CR1: variants seen among roughly 807,000 people sequenced by gnomAD.
CR1 encodes complement C3b/C4b receptor 1 (Knops blood group), also known as complement receptor type 1.
A neutral mutation model predicts 187.3 loss-of-function variants in CR1; 116 were observed. The observed-to-expected ratio is 0.62, with a 90% CI of 0.53 to 0.72. The LOEUF is 0.72. Among genes scored for constraint, CR1 ranks in the 30% least tolerant of loss-of-function variants. The probability of loss-of-function intolerance (pLI) is 0.00; values close to 1 mark genes in which losing one functional copy is unlikely to be tolerated. For synonymous variants in CR1, 576 were observed against 747.1 expected (o/e 0.77, Z 3.73); for missense variants, 1,731 against 2,110.7 (o/e 0.82, Z 3.52).
chr1:207,511,639 A>G lies in CR1; in HGVS notation c.472A>G (p.Thr158Ala), dbSNP rs1489712968. The G allele has an allele frequency of 3.1e-6, 5 of 1,613,058 alleles. No individual in the cohort carries two copies. The highest frequency in any genetic ancestry group is 3.4e-6 in the Non-Finnish European group (4 of 1,179,222). Residue 158 changes from threonine (T) to alanine (A), a missense_variant, in exon 4 of 47, where the codon ACA (threonine) becomes GCA (alanine). Thr to Ala is a moderately conservative substitution (Grantham distance 58). This residue lies in a region of CR1 where 237 missense variants were observed against 240.4 expected (regional missense o/e 0.99). Transcript: ENST00000367049. ...SGDTVIWDNE[T>A]PICDRIPCGL... ...TGATACTGTCATTTGGGATAATGAAACACCTATTTGTGACAGTGAGTTGAA... is the reference window on the plus strand; with the variant it reads ...TGATACTGTCATTTGGGATAATGAAGCACCTATTTGTGACAGTGAGTTGAA...
At position 207,620,061 on chromosome 1, in the gene CR1, C is replaced by T; in HGVS notation, c.7248C>T (p.Thr2416=). 6.2e-7 allele frequency: 1 copy of T among 1,608,190 alleles called. No homozygotes were observed. Among genetic ancestry groups the T allele is most frequent in the Non-Finnish European group, 8.5e-7 (1 of 1,178,452 alleles). The change falls in exon 43 of 47, where the codon ACC becomes ACT. Residue 2416 remains threonine, a synonymous_variant. Transcript: ENST00000367049. ...DRWDPPLAKC[T]SRTHDALIVG... is the part of the protein sequence containing the mutation. ...GGGACCCTCCTCTGGCCAAATGTAC[C>T]TCTCGTAAGTGCAAGTGCAAGGAAT...
At chr1:207,596,478 G>C (rs1661444555) in intron 35 of CR1, among the ~76,000 whole-genome samples, 1 of 151,982 alleles carries the variant, frequency 6.6e-6, no homozygotes, top group Non-Finnish European at 1.5e-5. Context: ...GCCAGGTGTG[G>C]TGGCGCATGC....
intron 46 of CR1, among the ~76,000 whole-genome samples, chr1:207,632,725 G>C (rs1484984368): frequency 1.3e-5 from 2 of 151,256 alleles, no homozygotes; most frequent in African/African-American, 4.9e-5. Flanking sequence ...GTGAGCCCGG[G>C]AGGCGGAGCT....
intron 36 of CR1, among the ~76,000 whole-genome samples, chr1:207,608,581 C>T (rs1327980527): frequency 6.6e-6 from 1 of 152,104 alleles, no homozygotes; most frequent in African/African-American, 2.4e-5. Flanking sequence ...AGGTGCCTCC[C>T]ATATCTGCCA....
intron 5 of CR1, 35 bp downstream of exon 5, chr1:207,524,044 G>T: frequency 5.6e-6 from 9 of 1,611,758 alleles, no homozygotes; most frequent in Non-Finnish European, 7.6e-6. Flanking sequence ...GGCCCTGCCA[G>T]TGACATGCGT....
At chr1:207,500,973 G>A (rs979643768) in intron 1 of CR1, among the ~76,000 whole-genome samples, 20 of 151,922 alleles carry the variant, frequency 1.3e-4, no homozygotes, top group African/African-American at 4.8e-4. Context: ...CAACCTAGAT[G>A]GATCTCTAAT....
intron 44 of CR1, 101 bp from the exon 45 acceptor site, chr1:207,622,892 A>AG (rs1662354665): frequency 3.8e-6 from 3 of 787,390 alleles, no homozygotes; most frequent in Non-Finnish European, 6.1e-6. Context: ...TTAAAAAAAA[A>AG]AAAGCATTGG....
chr1:207,610,533 T>C (rs1661893808), intron 37 of CR1, among the ~76,000 whole-genome samples: 1 of 152,128 alleles, frequency 6.6e-6, no homozygotes, highest in Non-Finnish European at 1.5e-5. Flanking sequence ...AGTCTTGCTA[T>C]GTTGCCCAGG....
intron 30 of CR1, 42 bp downstream of exon 30, chr1:207,580,458 A>G (rs1660898977): frequency 1.2e-6 from 2 of 1,602,128 alleles, no homozygotes; most frequent in East Asian, 4.5e-5. Flanking sequence ...TCTTTACCCC[A>G]CACATGGAGG....
In CR1 at chr1:207,575,693, C is replaced by A. The variant is rs1269521464; in HGVS notation, c.4537+13C>A. The stretch of plus-strand genomic sequence containing the variant: ...CCAATTTGTCAACGTGAGTTGAAAT[C>A]TCTTTCCCCATTCACCCCACCATTG... On this transcript the variant is annotated intron_variant, in intron 28 of 46. Coordinates refer to ENST00000367049, the MANE Select transcript of CR1 (RefSeq NM_000651.6). 1 of 1,611,844 alleles carries A rather than the reference C, an allele frequency of 6.2e-7. No individual in the cohort carries two copies. Among genetic ancestry groups the A allele is most frequent in the Admixed American group, 1.7e-5 (1 of 60,026 alleles).
At chr1:207,637,770 T>C (rs995650522) in intron 46 of CR1, among the ~76,000 whole-genome samples, 2 of 152,226 alleles carry the variant, frequency 1.3e-5, no homozygotes, top group Admixed American at 6.5e-5. Flanking sequence ...TATCCATCCA[T>C]GTGACTGGTG....
intron 36 of CR1, among the ~76,000 whole-genome samples, chr1:207,607,853 C>T (rs929706175): frequency 6.6e-6 from 1 of 152,078 alleles, no homozygotes; most frequent in African/African-American, 2.4e-5. Context: ...CCATTTTTCC[C>T]ATAAGATATT....
intron 4 of CR1, among the ~76,000 whole-genome samples, chr1:207,516,935 T>C (rs1468006078): frequency 6.6e-6 from 1 of 152,134 alleles, no homozygotes; most frequent in Non-Finnish European, 1.5e-5. Flanking sequence ...TTTGTTTATT[T>C]CTCTTGCTTT....
At position 207,575,514 on chromosome 1, in the gene CR1, T is replaced by C. The variant is rs552596625; in HGVS notation, c.4452-81T>C. ...TTAGACTTCTCCTGCATTGTAATCCTTCTGGTTTGCCACATATGCATGCTG... is the reference window on the plus strand; with the variant it reads ...TTAGACTTCTCCTGCATTGTAATCCCTCTGGTTTGCCACATATGCATGCTG... On this transcript the variant is annotated intron_variant, in intron 27 of 46. Coordinates refer to ENST00000367049, the MANE Select transcript of CR1 (RefSeq NM_000651.6). The C allele has an allele frequency of 5.2e-5, 82 of 1,572,510 alleles. 2 individuals carry two copies. The highest frequency in any genetic ancestry group is 3.9e-4 in the African/African-American group (29 of 74,190).
rs150127566 is a variant in CR1, at chr1:207,636,109, A to T, written c.7458-3288A>T. On this transcript the variant is annotated intron_variant, in intron 46 of 46. Transcript: ENST00000367049. ...TTTCGACAAAACCGCCATCATCATC[A>T]TGGCTGTTTCTCGATGGTTGCTGTC... is the stretch of plus-strand genomic sequence containing the variant. Among the ~76,000 whole-genome samples, 14 of 151,776 alleles carry T rather than the reference A, an allele frequency of 9.2e-5. No individual in the cohort carries two copies. In the South Asian group the frequency reaches 2.7e-3, roughly 30 times the overall value.
At chr1:207,505,128 A>G (rs1659388129) in intron 1 of CR1, among the ~76,000 whole-genome samples, 2 of 152,164 alleles carry the variant, frequency 1.3e-5, no homozygotes, top group Admixed American at 1.3e-4. Context: ...AAAAGGGACT[A>G]CTGTTGTAAA....
At chr1:207,566,709 G>A (rs1361688417) in intron 24 of CR1, among the ~76,000 whole-genome samples, 2 of 149,940 alleles carry the variant, frequency 1.3e-5, no homozygotes, top group African/African-American at 2.5e-5. Flanking sequence ...TTTTTAAAAT[G>A]AGCCTCATAT....
In CR1 at chr1:207,580,554, T is replaced by C. The variant is rs1362917404; in HGVS notation, c.5157T>C (p.Arg1719=). ...TCTTGGGTCAACTCCCTCATGGCCG[T>C]GTGCTATTTCCACTTAATCTCCAGC... is the stretch of plus-strand genomic sequence containing the variant. The part of the protein sequence containing the change: ...DDFLGQLPHG[R]VLFPLNLQLG... Residue 1719 remains arginine, a synonymous_variant, in exon 31 of 47, where the codon CGT becomes CGC. Coordinates refer to ENST00000367049, the MANE Select transcript of CR1 (RefSeq NM_000651.6). 4 of 1,613,656 alleles carry C rather than the reference T, an allele frequency of 2.5e-6. No individual in the cohort carries two copies. In the Admixed American group the frequency reaches 5.0e-5, roughly 20 times the overall value.
At chr1:207,603,667 G>T (rs879536393) in intron 35 of CR1, among the ~76,000 whole-genome samples, 3 of 151,906 alleles carry the variant, frequency 2.0e-5, no homozygotes, top group Non-Finnish European at 4.4e-5. Flanking sequence ...TAATACTTAC[G>T]AACTATATTG....
Sources: allele counts gnomAD v4.1 joint callset (sites outside exome capture counted in the v4.1 genomes callset), GRCh38; gene constraint gnomAD v4.1.1; regional missense constraint gnomAD v4.1.1; transcripts MANE v1.5; gene names NCBI Gene and HGNC (gene_info 2026-07-23, HGNC 2026-07-21).